AGBL4: variants seen among roughly 807,000 people sequenced by gnomAD.
AGBL4 encodes the protein cytosolic carboxypeptidase 6.
In AGBL4, 58 loss-of-function variants were observed where a neutral mutation model predicts 66.4. The observed-to-expected ratio is 0.87, with a 90% CI of 0.71 to 1.09. The LOEUF is 1.09. AGBL4 is among the 50% of genes least tolerant of loss of function. AGBL4 has a pLI of 0.00. For missense variants in AGBL4, 579 were observed against 631.0 expected, an observed-to-expected ratio of 0.92 and a Z score of 0.88; for synonymous variants, 234 against 222.9, an observed-to-expected ratio of 1.05 and a Z score of -0.44.
chr1:49,200,549 G>C (rs978667746), intron 4 of AGBL4, among the ~76,000 whole-genome samples: 4 of 152,310 alleles, frequency 2.6e-5, no homozygotes, highest in Admixed American at 6.5e-5. Flanking sequence ...GTTGTGGCCT[G>C]CACTTCTGAC....
rs183579039 is a variant in AGBL4 at position 48,626,247 on chromosome 1, A to G, written c.951+8246T>C. 6.2e-4 allele frequency among the ~76,000 whole-genome samples: 95 copies of G among 152,302 alleles called. 1 individual carries two copies. In the East Asian group the frequency reaches 0.015, roughly 24 times the overall value. ...TGCTGTCTGAACATTTCAACAGGAC[A>G]TTCCTCTCCACCCAACTCCAGGGCA... On this transcript the variant is annotated intron_variant, in intron 9 of 13. Coordinates refer to ENST00000371839, the MANE Select transcript of AGBL4 (RefSeq NM_032785.4).
intron 11 of AGBL4, chr1:48,585,248 A>G (rs1049820559): frequency 6.6e-6 from 1 of 152,190 alleles, no homozygotes; most frequent in Non-Finnish European, 1.5e-5. Flanking sequence ...ATTGGACAGC[A>G]AAAAACAACA....
At chr1:48,952,279 T>C (rs540363139) in intron 5 of AGBL4, among the ~76,000 whole-genome samples, 37 of 152,344 alleles carry the variant, frequency 2.4e-4, no homozygotes, top group Admixed American at 2.4e-3. Context: ...GCTAGGCATT[T>C]AGGAGACAAG....
chr1:48,921,706 G>C (rs1654094448), intron 5 of AGBL4, among the ~76,000 whole-genome samples: 1 of 152,172 alleles, frequency 6.6e-6, no homozygotes, highest in Non-Finnish European at 1.5e-5. Flanking sequence ...CTATTTTATA[G>C]AGGAGCAGAT....
intron 3 of AGBL4, among the ~76,000 whole-genome samples, chr1:49,512,595 C>T (rs1424060288): frequency 1.3e-5 from 2 of 151,822 alleles, no homozygotes; most frequent in African/African-American, 2.4e-5. Flanking sequence ...TCCCTCTTTG[C>T]CTTCTGCCGT....
At chr1:49,045,850 C>A in intron 4 of AGBL4, 50 bp from the exon 5 acceptor site, 1 of 1,443,424 alleles carries the variant, frequency 6.9e-7, no homozygotes, top group South Asian at 1.3e-5. Context: ...TTCGTTCAAG[C>A]TTCAAAAGGT....
At chr1:48,698,242 C>T (rs1442184274) in intron 6 of AGBL4, among the ~76,000 whole-genome samples, 1 of 152,162 alleles carries the variant, frequency 6.6e-6, no homozygotes, top group Non-Finnish European at 1.5e-5. Context: ...CAGTGGGATG[C>T]AGGGTGCAGG....
At chr1:49,680,829 A>T (rs571344333) in intron 3 of AGBL4, among the ~76,000 whole-genome samples, 1 of 151,732 alleles carries the variant, frequency 6.6e-6, no homozygotes, top group African/African-American at 2.4e-5. Context: ...TTGCTTCTGG[A>T]ACTTCAATAA....
At chr1:49,772,849 C>A (rs570965840) in intron 2 of AGBL4, among the ~76,000 whole-genome samples, 1 of 152,228 alleles carries the variant, frequency 6.6e-6, no homozygotes, top group East Asian at 1.9e-4. Flanking sequence ...TTACTAGGGA[C>A]CTTTGAGCCT....
chr1:49,936,170 T>A (rs1321413459), intron 1 of AGBL4, among the ~76,000 whole-genome samples: 1 of 152,062 alleles, frequency 6.6e-6, no homozygotes, highest in African/African-American at 2.4e-5. Flanking sequence ...AAGCCGAGGC[T>A]CGAGAACTAC....
intron 1 of AGBL4, among the ~76,000 whole-genome samples, chr1:49,877,435 G>C (rs866355095): frequency 1.3e-4 from 20 of 151,822 alleles, no homozygotes; most frequent in African/African-American, 4.4e-4. Context: ...TTTTGTCTTT[G>C]GTTCTGTTTA....
At chr1:49,463,542 G>A (rs538676878) in intron 3 of AGBL4, among the ~76,000 whole-genome samples, 1 of 151,788 alleles carries the variant, frequency 6.6e-6, no homozygotes, top group Admixed American at 6.6e-5. Context: ...TCTCTTTTAA[G>A]ATAAAAAGGA....
At chr1:49,704,758 T>G (rs1647172097) in intron 2 of AGBL4, among the ~76,000 whole-genome samples, 1 of 152,164 alleles carries the variant, frequency 6.6e-6, no homozygotes. Context: ...GTGTTATTTC[T>G]GAGGCCTCTG....
At chr1:49,960,617 T>C (rs1657040201) in intron 1 of AGBL4, among the ~76,000 whole-genome samples, 1 of 152,116 alleles carries the variant, frequency 6.6e-6, no homozygotes, top group Non-Finnish European at 1.5e-5. Context: ...GATATGCTAA[T>C]TACCCTGATC....
chr1:49,359,602 T>A (rs1407406213), intron 3 of AGBL4, among the ~76,000 whole-genome samples: 1 of 152,316 alleles, frequency 6.6e-6, no homozygotes, highest in South Asian at 2.1e-4. Flanking sequence ...AAAGTTGACC[T>A]CATGCTCTTC....
intron 6 of AGBL4, among the ~76,000 whole-genome samples, chr1:48,859,237 G>A (rs185648762): frequency 1.1e-3 from 172 of 152,186 alleles, no homozygotes; most frequent in Middle Eastern, 6.8e-3. Context: ...GGCAACACCT[G>A]CAAATCCATC....
intron 3 of AGBL4, among the ~76,000 whole-genome samples, chr1:49,515,980 T>A (rs1331382120): frequency 6.6e-6 from 1 of 150,942 alleles, no homozygotes; most frequent in Non-Finnish European, 1.5e-5. Context: ...ATGGCACATG[T>A]ATACATCTGT....
At chr1:48,702,131 C>T (rs1022122948) in intron 6 of AGBL4, among the ~76,000 whole-genome samples, 2 of 152,196 alleles carry the variant, frequency 1.3e-5, no homozygotes, top group Non-Finnish European at 2.9e-5. Context: ...CCTGCATGTC[C>T]TGTCCCTAAA....
In AGBL4 at chr1:49,937,876, C is replaced by G. The variant is rs546807844; in HGVS notation, c.34+85887G>C. Among the ~76,000 whole-genome samples the G allele has an allele frequency of 5.3e-5, 8 of 151,876 alleles. No homozygotes were observed. The South Asian group carries it at 1.0e-3, about 20-fold the overall frequency. ...GGATTATACATTTATAGCACTAAAT[C>G]CCCACAAGAGAAAGCAGGAAAGATC... is the stretch of plus-strand genomic sequence containing the variant. On this transcript the variant is annotated intron_variant, in intron 1 of 13. Coordinates refer to ENST00000371839, the MANE Select transcript of AGBL4 (RefSeq NM_032785.4).
Sources: gnomAD v4.1 joint callset for allele counts (sites outside exome capture counted in the v4.1 genomes callset) on GRCh38, gnomAD v4.1.1 for gene constraint, MANE v1.5 for transcripts, NCBI Gene and HGNC (gene_info 2026-07-23, HGNC 2026-07-21) for gene names.